The following LAMA4 variants were observed in gnomAD, a reference collection of about 807,000 sequenced individuals.
LAMA4 encodes the protein laminin subunit alpha-4.
LAMA4 carries 127 observed loss-of-function variants against 207.1 expected under a neutral mutation model. The observed-to-expected ratio is 0.61, with a 90% CI of 0.53 to 0.71. The LOEUF (loss-of-function observed/expected upper bound fraction) is 0.71, where lower values mean the gene tolerates loss of function less well. Among genes scored for constraint, LAMA4 ranks in the 30% least tolerant of loss-of-function variants. The pLI, the probability that LAMA4 is intolerant of heterozygous loss-of-function variation, is 0.00. For missense variants in LAMA4, 2,093 were observed against 2,246.5 expected, an observed-to-expected ratio of 0.93 and a Z score of 1.38; for synonymous variants, 761 against 816.0, an observed-to-expected ratio of 0.93 and a Z score of 1.15.
intron 13 of LAMA4, among the ~76,000 whole-genome samples, chr6:112,162,965 C>CTTTTTTTTTTTTTTTTTTTTT (rs34824903): frequency 2.2e-5 from 2 of 91,246 alleles, no homozygotes; most frequent in African/African-American, 4.6e-5. Flanking sequence ...CAGCTCAAAT[C>CTTTTTTTTTTTTTTTTTTTTT]TTTTTTTTTT....
chr6:112,165,957 T>A (rs1225172093), intron 12 of LAMA4, among the ~76,000 whole-genome samples: 1 of 152,154 alleles, frequency 6.6e-6, no homozygotes, highest in Non-Finnish European at 1.5e-5. Context: ...GGGCTTCCAA[T>A]GAGTTTAGAG....
intron 5 of LAMA4, 124 bp downstream of exon 5, chr6:112,201,484 C>T (rs1783742541): frequency 1.0e-5 from 9 of 860,784 alleles, no homozygotes; most frequent in South Asian, 8.0e-5. Flanking sequence ...AAATGCAGTC[C>T]CTCAACCACT....
At chr6:112,159,869 T>C (rs1780948977) in intron 13 of LAMA4, among the ~76,000 whole-genome samples, 1 of 152,156 alleles carries the variant, frequency 6.6e-6, no homozygotes, top group Non-Finnish European at 1.5e-5. Flanking sequence ...TCTGCTCAAC[T>C]CCACCCTTCT....
At chr6:112,206,785 T>C (rs1784081675) in intron 4 of LAMA4, among the ~76,000 whole-genome samples, 1 of 152,212 alleles carries the variant, frequency 6.6e-6, no homozygotes, top group South Asian at 2.1e-4. Context: ...ATTGACCTCA[T>C]GATGCACCCC....
At chr6:112,155,074 A>G (rs1388241254) in intron 15 of LAMA4, 127 bp from the exon 16 acceptor site, 1 of 741,782 alleles carries the variant, frequency 1.3e-6, no homozygotes, top group African/African-American at 1.7e-5. Flanking sequence ...CTTTATTTTC[A>G]CAGCTTAAAA....
chr6:112,128,706 A>G (rs1262359869), intron 31 of LAMA4, among the ~76,000 whole-genome samples: 1 of 152,184 alleles, frequency 6.6e-6, no homozygotes, highest in Non-Finnish European at 1.5e-5. Context: ...ACATTTGTGC[A>G]ATTACTACAT....
chr6:112,174,519 G>C (rs1005497063), intron 11 of LAMA4, among the ~76,000 whole-genome samples: 6 of 152,220 alleles, frequency 3.9e-5, no homozygotes, highest in African/African-American at 1.2e-4. Context: ...TTTTGGGACA[G>C]AGTCTCACTC....
rs1472496288 is a variant in LAMA4, at chr6:112,114,707, G to T, written c.5162C>A (p.Thr1721Lys). The T allele has an allele frequency of 1.2e-6, 2 of 1,613,124 alleles. No homozygotes were observed. Among genetic ancestry groups the T allele is most frequent in the Admixed American group, 1.7e-5 (1 of 59,944 alleles). Residue 1721 changes from threonine (T) to lysine (K), a missense_variant, in exon 37 of 39, where the codon ACA becomes AAA. Transcript: ENST00000230538. ...GCCATCACAGAGACTCTGCTTGGGT[G>T]TAACTGAGGTGGAAAAATCTCTGAT... The part of the protein sequence containing the change: ...NGIRDFSTSV[T>K]PKQSLCDGRW...
chr6:112,181,383 A>C (rs1782346963), intron 9 of LAMA4, among the ~76,000 whole-genome samples: 1 of 152,114 alleles, frequency 6.6e-6, no homozygotes, highest in Non-Finnish European at 1.5e-5. Context: ...CATGTTCACG[A>C]GCGTGTTTGG....
chr6:112,210,592 C>T (rs886668939), intron 3 of LAMA4, among the ~76,000 whole-genome samples: 5 of 152,250 alleles, frequency 3.3e-5, no homozygotes, highest in Middle Eastern at 6.8e-3. Flanking sequence ...TGTCAGTGTG[C>T]TTTATGCAAG....
intron 5 of LAMA4, 149 bp from the exon 6 acceptor site, chr6:112,191,999 C>T: frequency 1.3e-6 from 1 of 750,268 alleles, no homozygotes; most frequent in East Asian, 2.7e-5. Flanking sequence ...TTCATAGGAC[C>T]AGATTTCGTT....
intron 2 of LAMA4, among the ~76,000 whole-genome samples, chr6:112,252,872 G>A (rs1342900906): frequency 2.6e-5 from 4 of 152,136 alleles, no homozygotes; most frequent in African/African-American, 9.7e-5. Flanking sequence ...CACAGTGAGA[G>A]GTTGGCATAT....
intron 12 of LAMA4, chr6:112,166,600 C>A (rs1781395291): frequency 6.5e-6 from 1 of 153,730 alleles, no homozygotes; most frequent in African/African-American, 2.4e-5. Context: ...AAGTCAGAGA[C>A]AAACTTCAAA....
chr6:112,192,713 T>A (rs535350746), intron 5 of LAMA4, among the ~76,000 whole-genome samples: 64 of 152,348 alleles, frequency 4.2e-4, no homozygotes, highest in Admixed American at 1.6e-3. Flanking sequence ...CTTGCCAAGC[T>A]GTGCACTCTA....
chr6:112,122,983 A>T (rs1298753922), intron 31 of LAMA4, among the ~76,000 whole-genome samples: 3 of 152,194 alleles, frequency 2.0e-5, no homozygotes, highest in African/African-American at 7.2e-5. Context: ...TAGAAAGTGA[A>T]TGAGAAATGA....
At chr6:112,237,860 G>T (rs1786049677) in intron 2 of LAMA4, among the ~76,000 whole-genome samples, 1 of 152,200 alleles carries the variant, frequency 6.6e-6, no homozygotes, top group East Asian at 1.9e-4. Flanking sequence ...GCACGACATG[G>T]GTTATCCTGA....
intron 2 of LAMA4, among the ~76,000 whole-genome samples, chr6:112,239,443 G>GA (rs1306778312): frequency 6.6e-6 from 1 of 152,028 alleles, no homozygotes; most frequent in African/African-American, 2.4e-5. Flanking sequence ...AATAAAGAAG[G>GA]AAAAACATTT....
intron 13 of LAMA4, among the ~76,000 whole-genome samples, chr6:112,162,584 T>C (rs1467669917): frequency 6.6e-6 from 1 of 152,162 alleles, no homozygotes; most frequent in African/African-American, 2.4e-5. Context: ...GAGTTTTGAT[T>C]TGAGCAATTG....
intron 5 of LAMA4, among the ~76,000 whole-genome samples, chr6:112,197,374 T>G (rs1474887070): frequency 6.6e-6 from 1 of 152,222 alleles, no homozygotes; most frequent in Admixed American, 6.5e-5. Context: ...TACACAGTAG[T>G]GTAAGAGGTA....
Sources: gnomAD v4.1 joint callset for allele counts (sites outside exome capture counted in the v4.1 genomes callset) on GRCh38, gnomAD v4.1.1 for gene constraint, MANE v1.5 for transcripts, NCBI Gene and HGNC (gene_info 2026-07-23, HGNC 2026-07-21) for gene names.